The following LHFPL6 variants were observed in gnomAD, a reference collection of about 807,000 sequenced individuals.
The protein encoded by LHFPL6 is LHFPL tetraspan subfamily member 6.
Under a neutral mutation model 20.6 loss-of-function variants are expected in LHFPL6, and 9 were observed. The ratio of observed to expected loss-of-function variants is 0.44; its 90% CI spans 0.26 to 0.76. The LOEUF (loss-of-function observed/expected upper bound fraction) is 0.76, where lower values mean the gene tolerates loss of function less well. Ranked by LOEUF, LHFPL6 falls within the 30% of genes least tolerant of loss-of-function variation. LHFPL6 has a pLI of 0.20. For missense variants in LHFPL6, 218 were observed against 253.5 expected (o/e 0.86, Z 0.95); for synonymous variants, 105 against 98.7 (o/e 1.06, Z -0.38).
intron 2 of LHFPL6, among the ~76,000 whole-genome samples, chr13:39,503,131 C>T (rs1869352446): frequency 6.6e-6 from 1 of 152,170 alleles, no homozygotes; most frequent in Non-Finnish European, 1.5e-5. Flanking sequence ...TTCCAAGCTG[C>T]ACTCAGAACA....
intron 2 of LHFPL6, among the ~76,000 whole-genome samples, chr13:39,406,639 C>T (rs544700217): frequency 1.3e-5 from 2 of 152,142 alleles, no homozygotes; most frequent in African/African-American, 4.8e-5. Context: ...ACTTAAAAAC[C>T]CAACTCTGAA....
At chr13:39,598,443 C>G (rs1872833386) in intron 2 of LHFPL6, among the ~76,000 whole-genome samples, 1 of 152,216 alleles carries the variant, frequency 6.6e-6, no homozygotes, top group Non-Finnish European at 1.5e-5. Context: ...AGGTGAGATT[C>G]TGTAAAACCC....
At chr13:39,486,943 A>T (rs572737523) in intron 2 of LHFPL6, among the ~76,000 whole-genome samples, 2 of 152,326 alleles carry the variant, frequency 1.3e-5, no homozygotes, top group African/African-American at 4.8e-5. Flanking sequence ...CACACAACAG[A>T]GACTTCAGCA....
intron 2 of LHFPL6, among the ~76,000 whole-genome samples, chr13:39,437,339 C>T (rs755936696): frequency 6.6e-6 from 1 of 152,148 alleles, no homozygotes; most frequent in Non-Finnish European, 1.5e-5. Context: ...AACACCATCA[C>T]CCTTGGTGCT....
chr13:39,483,664 G>C (rs1413059602), intron 2 of LHFPL6, among the ~76,000 whole-genome samples: 1 of 152,088 alleles, frequency 6.6e-6, no homozygotes, highest in Non-Finnish European at 1.5e-5. Flanking sequence ...AAGCTAAGTG[G>C]ATGCAATTTA....
At chr13:39,483,582 T>C (rs894741824) in intron 2 of LHFPL6, among the ~76,000 whole-genome samples, 4 of 151,590 alleles carry the variant, frequency 2.6e-5, no homozygotes, top group Admixed American at 2.0e-4. Context: ...AAACACACAG[T>C]GTTTTGCTAT....
chr13:39,358,971 G>A (rs1376725240), intron 3 of LHFPL6, among the ~76,000 whole-genome samples: 1 of 152,196 alleles, frequency 6.6e-6, no homozygotes, highest in Non-Finnish European at 1.5e-5. Context: ...AGGAGTTCTA[G>A]AACAGCCTGG....
At chr13:39,562,781 G>A (rs1484537003) in intron 2 of LHFPL6, among the ~76,000 whole-genome samples, 1 of 151,182 alleles carries the variant, frequency 6.6e-6, no homozygotes, top group Non-Finnish European at 1.5e-5. Context: ...AATAGCACCT[G>A]CTGCAAAACA....
At chr13:39,565,170 C>T (rs1375279144) in intron 2 of LHFPL6, among the ~76,000 whole-genome samples, 2 of 149,394 alleles carry the variant, frequency 1.3e-5, no homozygotes, top group Non-Finnish European at 3.0e-5. Context: ...CATCTTATAT[C>T]CAGGAGGACA....
chr13:39,447,873 A>G (rs530992050), intron 2 of LHFPL6, among the ~76,000 whole-genome samples: 96 of 152,328 alleles, frequency 6.3e-4, no homozygotes, highest in Non-Finnish European at 4.6e-4. Flanking sequence ...AGGAGAAACT[A>G]TAAGGAAAAA....
chr13:39,508,820 A>G (rs1249039022), intron 2 of LHFPL6, among the ~76,000 whole-genome samples: 1 of 152,258 alleles, frequency 6.6e-6, no homozygotes, highest in Non-Finnish European at 1.5e-5. Context: ...ACAACTCTTT[A>G]TATGAATACA....
intron 2 of LHFPL6, among the ~76,000 whole-genome samples, chr13:39,429,879 G>T (rs1022983397): frequency 2.6e-5 from 4 of 152,132 alleles, no homozygotes; most frequent in African/African-American, 9.7e-5. Flanking sequence ...TGCAGCATTT[G>T]ACATATGTGA....
chr13:39,389,032 G>A (rs969753828), intron 2 of LHFPL6, among the ~76,000 whole-genome samples: 1 of 152,176 alleles, frequency 6.6e-6, no homozygotes, highest in Admixed American at 6.5e-5. Flanking sequence ...AAGCCAAGCC[G>A]TGCATAGACA....
rs369568692 is a variant in LHFPL6 at position 39,413,473 on chromosome 13, GT to G, written c.386-34948del. Among the ~76,000 whole-genome samples the G allele has an allele frequency of 5.2e-4, 68 of 131,202 alleles. 1 individual carries two copies. Among genetic ancestry groups the G allele is most frequent in the Middle Eastern group, 4.2e-3 (1 of 236 alleles). The allele number at this position is 131,202 out of a possible 152,430, so 86.1% of individuals were successfully genotyped here. A position where few individuals can be genotyped will look rare whatever the true frequency, so the allele number is the denominator to read the frequency against. ...TTTTTAGGAATTGGGGGTAGGGGGG[GT>G]GGGTCTCACTATGTTGCCCAGGCTG... On this transcript the variant is annotated intron_variant, in intron 2 of 3. Coordinates refer to ENST00000379589, the MANE Select transcript of LHFPL6 (RefSeq NM_005780.3).
At chr13:39,404,791 A>C (rs1267977111) in intron 2 of LHFPL6, among the ~76,000 whole-genome samples, 1 of 152,166 alleles carries the variant, frequency 6.6e-6, no homozygotes, top group Non-Finnish European at 1.5e-5. Flanking sequence ...TAGATGGTGT[A>C]CCCTATGAGA....
intron 2 of LHFPL6, among the ~76,000 whole-genome samples, chr13:39,476,667 G>A (rs1048341859): frequency 2.0e-5 from 3 of 152,098 alleles, no homozygotes; most frequent in Non-Finnish European, 2.9e-5. Context: ...AACATCTCTG[G>A]AACATAAGTC....
intron 2 of LHFPL6, among the ~76,000 whole-genome samples, chr13:39,400,075 A>C (rs766999011): frequency 2.0e-5 from 3 of 152,176 alleles, no homozygotes; most frequent in Admixed American, 6.5e-5. Flanking sequence ...CCTGGGCAAC[A>C]AGAGCAAAAC....
In LHFPL6 at chr13:39,427,005, TA is replaced by T. The variant is rs1211330016; in HGVS notation, c.386-48480del. 2.6e-5 allele frequency among the ~76,000 whole-genome samples: 4 copies of T among 151,602 alleles called. No individual in the cohort carries two copies. The South Asian group carries it at 8.3e-4, about 32-fold the overall frequency. On this transcript the variant is annotated intron_variant, in intron 2 of 3. Transcript: ENST00000379589. ...TCCAATTGTTCTAGCTTTATTTATT[TA>T]AAAAAATATTCTTTCTCCACTGAAT...
rs190939066 is a variant in LHFPL6 at position 39,549,745 on chromosome 13, T to C, written c.385+51087A>G. ...ATGGTAGCTTTATTCATAATCACTA[T>C]AAACTGAAAAGAAAATAGAACAAAT... On this transcript the variant is annotated intron_variant, in intron 2 of 3. Coordinates refer to ENST00000379589, the MANE Select transcript of LHFPL6 (RefSeq NM_005780.3). Among the ~76,000 whole-genome samples, 49 of 152,212 alleles carry C rather than the reference T, an allele frequency of 3.2e-4. No homozygotes were observed. The East Asian group carries it at 9.3e-3, about 29-fold the overall frequency.
Sources: gnomAD v4.1 joint callset for allele counts (sites outside exome capture counted in the v4.1 genomes callset) on GRCh38, gnomAD v4.1.1 for gene constraint, MANE v1.5 for transcripts, NCBI Gene and HGNC (gene_info 2026-07-23, HGNC 2026-07-21) for gene names.